The following SETX variants were observed in gnomAD, a reference collection of about 807,000 sequenced individuals.
SETX encodes helicase senataxin.
In SETX, 90 loss-of-function variants were observed where a neutral mutation model predicts 227.2. The ratio of observed to expected loss-of-function variants is 0.40; its 90% CI spans 0.33 to 0.47. SETX has a LOEUF of 0.47. SETX is among the 20% of genes least tolerant of loss of function. The pLI is 0.91. For missense variants in SETX, 3,052 were observed against 3,181.5 expected (o/e 0.96, Z 0.98); for synonymous variants, 1,210 against 1,113.2 (o/e 1.09, Z -1.73).
intron 15 of SETX, among the ~76,000 whole-genome samples, chr9:132,293,024 G>A (rs980477034): frequency 3.3e-5 from 5 of 152,180 alleles, no homozygotes; most frequent in Admixed American, 3.3e-4. Context: ...CCTCATTTAT[G>A]AACATTAATT....
chr9:132,345,570 G>A (rs182270375), intron 4 of SETX, among the ~76,000 whole-genome samples: 193 of 152,220 alleles, frequency 1.3e-3, no homozygotes, highest in Non-Finnish European at 2.4e-3. Context: ...CACCATGCCC[G>A]GCGAGAATGA....
At chr9:132,297,240 A>C (rs1255149513) in intron 13 of SETX, among the ~76,000 whole-genome samples, 186 bp from the exon 14 acceptor site, 1 of 152,346 alleles carries the variant, frequency 6.6e-6, no homozygotes, top group Admixed American at 6.5e-5. Context: ...ACTGGAAAGA[A>C]AGCTAATTAC....
chr9:132,327,400 C>T lies in SETX; in HGVS notation c.4198G>A (p.Gly1400Arg). The T allele has an allele frequency of 6.2e-7, 1 of 1,614,178 alleles. No individual in the cohort carries two copies. Among genetic ancestry groups the T allele is most frequent in the South Asian group, 1.1e-5 (1 of 91,084 alleles). ...CTGTTGGCAAGTACCTCAGTTCCTC[C>T]TGTACAATTATAATCTGACCTATCA... ...ESDRSDYNCTGGTEVLANSNR... is the reference protein window; with the variant it reads ...ESDRSDYNCTRGTEVLANSNR... Residue 1400 changes from glycine to arginine, a missense_variant, in exon 10 of 26, where the codon GGA (glycine) becomes AGA (arginine). Around this residue, in one of 10 missense-constraint regions of SETX, gnomAD observed 1,483 missense variants for 1,312.0 expected, o/e 1.13. Coordinates refer to ENST00000224140, the MANE Select transcript of SETX (RefSeq NM_015046.7).
intron 18 of SETX, among the ~76,000 whole-genome samples, chr9:132,286,058 C>T (rs956703168): frequency 1.6e-4 from 24 of 151,292 alleles, no homozygotes; most frequent in African/African-American, 5.6e-4. Flanking sequence ...TGGCACACGC[C>T]TGTAATCCTA....
chr9:132,269,317 T>C (rs1842787466), intron 25 of SETX: 2 of 995,744 alleles, frequency 2.0e-6, no homozygotes, highest in African/African-American at 1.7e-5. Context: ...TGCCAAGCAA[T>C]TGCTTTGGCA....
rs1294573011 is a variant in SETX at position 132,262,784 on chromosome 9, AGAT to A, written c.*1452_*1454del. The A allele has an allele frequency of 1.3e-5, 2 of 152,586 alleles. No individual in the cohort carries two copies. The highest frequency in any genetic ancestry group is 2.9e-5 in the Non-Finnish European group (2 of 68,038). The allele number at this position is 152,586 out of a possible 1,614,324, so 9.5% of individuals were successfully genotyped here. ...CAAAACCCTTTTTTGCTTAAAAAGC[AGAT>A]GACAAAGGAAATGTCAAATAATGCA... On this transcript the variant is annotated 3_prime_UTR_variant, in exon 26 of 26. Transcript: ENST00000224140.
At position 132,271,726 on chromosome 9, in the gene SETX, T is replaced by C. The variant is rs1842912921; in HGVS notation, c.7183A>G (p.Ile2395Val). 1 of 1,612,782 alleles carries C rather than the reference T, an allele frequency of 6.2e-7. No individual in the cohort carries two copies. The highest frequency in any genetic ancestry group is 1.4e-5 in the African/African-American group (1 of 73,920). The part of the protein sequence containing the change: ...VIVTCVRANS[I>V]QGSIGFLASL... ...GTAACTCACCCAATTGAACCTTGGA[T>C]GCTATTTGCTCTGACACACGTAACA... The change falls in exon 24 of 26, where the codon ATC (isoleucine) becomes GTC (valine). Residue 2395 changes from isoleucine (I) to valine (V), a missense_variant. Around this residue, in one of 10 missense-constraint regions of SETX, gnomAD observed 412 missense variants for 589.0 expected, o/e 0.70. Coordinates refer to ENST00000224140, the MANE Select transcript of SETX (RefSeq NM_015046.7).
chr9:132,265,785 C>T (rs1468183026), intron 25 of SETX, among the ~76,000 whole-genome samples: 1 of 152,094 alleles, frequency 6.6e-6, no homozygotes, highest in African/African-American at 2.4e-5. Context: ...CACCTCTTGG[C>T]AGGGCTAACG....
rs1375463032 is a variant in SETX, at chr9:132,328,744, T to C, written c.2854A>G (p.Thr952Ala). 7 of 1,613,084 alleles carry C rather than the reference T, an allele frequency of 4.3e-6. No individual in the cohort carries two copies. In the East Asian group the frequency reaches 1.6e-4, roughly 36 times the overall value. The part of the protein sequence containing the change: ...QAPDISPKSD[T>A]LTDSQIDRDL... ...CTGTCTATCTGAGAATCCGTTAAGG[T>C]GTCAGATTTAGGACTGATGTCAGGG... The change falls in exon 10 of 26, where the codon ACC (threonine) becomes GCC (alanine). Residue 952 changes from threonine to alanine, a missense_variant. By Grantham distance (58) the Thr-to-Ala change is moderately conservative. Coordinates refer to ENST00000224140, the MANE Select transcript of SETX (RefSeq NM_015046.7).
intron 25 of SETX, 30 bp from the exon 26 acceptor site, chr9:132,265,015 A>G: frequency 6.2e-7 from 1 of 1,609,442 alleles, no homozygotes; most frequent in Non-Finnish European, 8.5e-7. Context: ...AGAAATAATT[A>G]CACCCCAAAG....
chr9:132,288,305 T>C lies in SETX; in HGVS notation c.6255A>G (p.Glu2085=). Residue 2085 remains glutamate, a synonymous_variant, in exon 17 of 26, where the codon GAA becomes GAG. Transcript: ENST00000224140. ...SHVQAMHKRK[E]FLDYQLDELS... ...GCTCATCCAGCTGATAATCTAGAAA[T>C]TCCTTTCTTTTATGCATCGCCTGAA... The C allele has an allele frequency of 6.2e-7, 1 of 1,614,202 alleles. No individual in the cohort carries two copies. The highest frequency in any genetic ancestry group is 8.5e-7 in the Non-Finnish European group (1 of 1,180,008).
At chr9:132,323,852 A>G (rs1407656136) in intron 10 of SETX, among the ~76,000 whole-genome samples, 1 of 152,096 alleles carries the variant, frequency 6.6e-6, no homozygotes, top group Non-Finnish European at 1.5e-5. Flanking sequence ...GCAGTGAGCC[A>G]TAATTGTGCC....
At chr9:132,296,765 T>C (rs1490642132) in intron 14 of SETX, 122 bp downstream of exon 14, 41 of 928,124 alleles carry the variant, frequency 4.4e-5, no homozygotes, top group Non-Finnish European at 6.4e-5. Context: ...ACACACAATA[T>C]AAAAAATATA....
At chr9:132,319,157 T>C (rs757710446) in intron 10 of SETX, among the ~76,000 whole-genome samples, 14 of 152,086 alleles carry the variant, frequency 9.2e-5, no homozygotes, top group Non-Finnish European at 2.1e-4. Context: ...TATCACCAAG[T>C]CTTCTAAGTA....
intron 23 of SETX, among the ~76,000 whole-genome samples, chr9:132,273,155 A>G (rs748901510): frequency 6.7e-5 from 10 of 149,442 alleles, no homozygotes; most frequent in African/African-American, 1.0e-4. Flanking sequence ...CTTCACATTT[A>G]TTTAGGTGGT....
At chr9:132,311,986 A>G in intron 10 of SETX, 130 bp from the exon 11 acceptor site, 1 of 732,398 alleles carries the variant, frequency 1.4e-6, no homozygotes, top group East Asian at 2.7e-5. Flanking sequence ...CTAAAAATTG[A>G]TTCACGGCAG....
chr9:132,337,550 C>G (rs7853768), intron 5 of SETX, among the ~76,000 whole-genome samples: 11 of 151,748 alleles, frequency 7.2e-5, no homozygotes, highest in Non-Finnish European at 1.5e-5. Context: ...ACATTTTTTA[C>G]TACAGATTGT....
In SETX at chr9:132,326,606, C is replaced by T. The variant is rs112514111; in HGVS notation, c.4992G>A (p.Pro1664=). 10 of 1,614,158 alleles carry T rather than the reference C, an allele frequency of 6.2e-6. No homozygotes were observed. In the East Asian group the frequency reaches 1.1e-4, roughly 18 times the overall value. The change falls in exon 10 of 26, where the codon CCG becomes CCA. Residue 1664 remains proline (P), a synonymous_variant. Transcript: ENST00000224140. ...TGCAACCTTGCCTGTTGGAATTATT[C>T]GGAGACTGAGGATGAAGAACATTGC... ...NSCNVLHPQS[P]NNSNRQGCKV...
rs747331911 is a variant in SETX at position 132,264,461 on chromosome 9, C to CACGGGAGGTTTGTGG, written c.7797_7811dup (p.His2600_Val2604dup). 10 of 1,613,906 alleles carry CACGGGAGGTTTGTGG rather than the reference C, an allele frequency of 6.2e-6. No individual in the cohort carries two copies. Among genetic ancestry groups the CACGGGAGGTTTGTGG allele is most frequent in the Non-Finnish European group, 8.5e-6 (10 of 1,179,896 alleles). The stretch of plus-strand genomic sequence containing the variant: ...GACTGGCAGCTGGAGGTTCGCCCCG[C>CACGGGAGGTTTGTGG]ACGGGAGGTTTGTGGCTGCTCAGAG... On this transcript the variant is annotated inframe_insertion, in exon 26 of 26. Coordinates refer to ENST00000224140, the MANE Select transcript of SETX (RefSeq NM_015046.7).
Sources: allele counts gnomAD v4.1 joint callset (sites outside exome capture counted in the v4.1 genomes callset), GRCh38; gene constraint gnomAD v4.1.1; regional missense constraint gnomAD v4.1.1; transcripts MANE v1.5; gene names NCBI Gene and HGNC (gene_info 2026-07-23, HGNC 2026-07-21).